The following NOSTRIN variants were observed in gnomAD, a reference collection of about 807,000 sequenced individuals.
NOSTRIN encodes the protein BM247 homolog.
Under a neutral mutation model 59.0 loss-of-function variants are expected in NOSTRIN, and 63 were observed. The observed-to-expected ratio is 1.07, with a 90% CI of 0.87 to 1.32. The LOEUF is 1.32. Ranked by LOEUF, NOSTRIN falls within the 40% of genes most tolerant of loss-of-function variation. NOSTRIN has a pLI of 0.00. For synonymous variants in NOSTRIN, 200 were observed against 165.4 expected (o/e 1.21, Z -1.61); for missense variants, 512 against 473.1 (o/e 1.08, Z -0.76).
chr2:168,829,042 A>G (rs909897364), intron 5 of NOSTRIN, among the ~76,000 whole-genome samples: 8 of 152,126 alleles, frequency 5.3e-5, no homozygotes, highest in Non-Finnish European at 1.0e-4. Flanking sequence ...ATTTTATTCT[A>G]TTTATAAATA....
chr2:168,850,025 GC>G, intron 8 of NOSTRIN, among the ~76,000 whole-genome samples: 1 of 148,546 alleles, frequency 6.7e-6, no homozygotes, highest in African/African-American at 2.5e-5. Context: ...AGGCAATTCT[GC>G]CTCAACCTCC....
At position 168,851,117 on chromosome 2, in the gene NOSTRIN, C is replaced by A. The variant is rs1281300471; in HGVS notation, c.664C>A (p.Leu222Ile). 1 of 1,585,538 alleles carries A rather than the reference C, an allele frequency of 6.3e-7. No individual in the cohort carries two copies. The highest frequency in any genetic ancestry group is 1.3e-5 in the African/African-American group (1 of 74,408). ...ILELEKERIQ[L>I]LCNNLNQYSQ... Reference sequence around the variant, plus strand: ...GGAGCTGGAGAAGGAAAGAATTCAACTTTTATGCAATAACTTAAACCAGTA... The same window carrying A: ...GGAGCTGGAGAAGGAAAGAATTCAAATTTTATGCAATAACTTAAACCAGTA... The change falls in exon 9 of 16, where the codon CTT (leucine) becomes ATT (isoleucine). Residue 222 changes from leucine (L) to isoleucine (I), a missense_variant. By Grantham distance (5) the Leu-to-Ile change is conservative. Coordinates refer to ENST00000317647, the MANE Select transcript of NOSTRIN (RefSeq NM_001039724.4).
upstream of NOSTRIN, among the ~76,000 whole-genome samples, chr2:168,795,071 T>A (rs1297306614): frequency 1.3e-5 from 2 of 152,222 alleles, no homozygotes; most frequent in African/African-American, 4.8e-5. Flanking sequence ...TTGTTTCTTC[T>A]CTAAGACTCC....
chr2:168,863,923 T>G (rs183224483), intron 15 of NOSTRIN, among the ~76,000 whole-genome samples: 1 of 152,102 alleles, frequency 6.6e-6, no homozygotes, highest in East Asian at 1.9e-4. Flanking sequence ...TTTTATTTTT[T>G]TTTTTGAGGC....
intron 8 of NOSTRIN, among the ~76,000 whole-genome samples, chr2:168,847,163 C>T (rs902975980): frequency 4.6e-5 from 7 of 152,082 alleles, no homozygotes; most frequent in African/African-American, 7.2e-5. Flanking sequence ...TTCACATGTA[C>T]GGTTAAGTGG....
Position 168,851,367 on chromosome 2 carries a change from CAGAA to C in NOSTRIN, c.820_823del (p.Glu274ThrfsTer7). Reference sequence around the variant, plus strand: ...ATGGAAGAAACTGCAATTTTATCTACAGAAAACAAATCTGAGTTCCTGTTAACGG... The same window carrying C: ...ATGGAAGAAACTGCAATTTTATCTACAACAAATCTGAGTTCCTGTTAACGG... On this transcript the variant is annotated frameshift_variant, in exon 10 of 16. Transcript: ENST00000317647. LOFTEE classifies it high-confidence loss of function. 14 of 1,612,726 alleles carry C rather than the reference CAGAA, an allele frequency of 8.7e-6. No homozygotes were observed. Among genetic ancestry groups the C allele is most frequent in the Non-Finnish European group, 1.2e-5 (14 of 1,179,788 alleles).
chr2:168,858,229 G>A (rs1689237668), intron 12 of NOSTRIN, among the ~76,000 whole-genome samples: 1 of 152,194 alleles, frequency 6.6e-6, no homozygotes, highest in South Asian at 2.1e-4. Flanking sequence ...ACACAAGGAG[G>A]GAGAGCATCT....
chr2:168,818,616 T>G (rs1686549779), intron 2 of NOSTRIN, among the ~76,000 whole-genome samples: 1 of 152,222 alleles, frequency 6.6e-6, no homozygotes, highest in African/African-American at 2.4e-5. Flanking sequence ...TCTAAAATAT[T>G]GAATCTGAAA....
rs941375171 is a variant in NOSTRIN, at chr2:168,842,358, T to C, written c.505-634T>C. 7.9e-5 allele frequency among the ~76,000 whole-genome samples: 12 copies of C among 152,262 alleles called. No individual in the cohort carries two copies. In the South Asian group the frequency reaches 8.3e-4, roughly 11 times the overall value. On this transcript the variant is annotated intron_variant, in intron 7 of 15. Transcript: ENST00000317647. ...TGCCTGAATTCTCAAAGCAACCCGG[T>C]ATGTATTAATTACCTATCCCCATCA...
intron 15 of NOSTRIN, among the ~76,000 whole-genome samples, chr2:168,862,390 G>C (rs1176995996): frequency 6.6e-6 from 1 of 152,224 alleles, no homozygotes; most frequent in Non-Finnish European, 1.5e-5. Context: ...GGCAACACAA[G>C]ATTTGAACTT....
intron 7 of NOSTRIN, among the ~76,000 whole-genome samples, chr2:168,837,561 G>T (rs1007283782): frequency 6.6e-6 from 1 of 151,652 alleles, no homozygotes; most frequent in Non-Finnish European, 1.5e-5. Context: ...CGCCCGCCTC[G>T]GCCTCCCAAA....
At chr2:168,814,205 C>T (rs1033042381) in intron 2 of NOSTRIN, among the ~76,000 whole-genome samples, 1 of 152,218 alleles carries the variant, frequency 6.6e-6, no homozygotes, top group Non-Finnish European at 1.5e-5. Flanking sequence ...GATCATTTCT[C>T]TCCCACACAG....
intron 2 of NOSTRIN, among the ~76,000 whole-genome samples, chr2:168,813,347 T>C (rs1686245276): frequency 6.6e-6 from 1 of 152,178 alleles, no homozygotes; most frequent in African/African-American, 2.4e-5. Flanking sequence ...GCTGTGAAGA[T>C]AGAAGACAGG....
At chr2:168,864,478 G>A (rs1226701679) in intron 15 of NOSTRIN, among the ~76,000 whole-genome samples, 1 of 134,488 alleles carries the variant, frequency 7.4e-6, no homozygotes, top group African/African-American at 2.8e-5. Flanking sequence ...CAGAGAAGGG[G>A]TTTCACCATG....
chr2:168,803,620 C>G (rs1685704201), intron 1 of NOSTRIN, among the ~76,000 whole-genome samples: 1 of 152,172 alleles, frequency 6.6e-6, no homozygotes, highest in South Asian at 2.1e-4. Flanking sequence ...TGCAGAAAAT[C>G]AGATGAGCTA....
intron 1 of NOSTRIN, among the ~76,000 whole-genome samples, chr2:168,787,521 A>G (rs1685236417): frequency 6.6e-6 from 1 of 152,240 alleles, no homozygotes; most frequent in Admixed American, 6.5e-5. Context: ...AGGTACAACC[A>G]TTTAACTCCA....
At chr2:168,788,259 AT>A (rs1188321766) in intron 2 of NOSTRIN, among the ~76,000 whole-genome samples, 2 of 148,062 alleles carry the variant, frequency 1.4e-5, no homozygotes, top group Admixed American at 6.8e-5. Flanking sequence ...AAAAAAAAAG[AT>A]GATGATATTG....
At chr2:168,823,931 C>T (rs1024735400) in intron 2 of NOSTRIN, among the ~76,000 whole-genome samples, 11 of 152,064 alleles carry the variant, frequency 7.2e-5, no homozygotes, top group African/African-American at 1.4e-4. Flanking sequence ...CAAAATTAGC[C>T]GGGCATTGTG....
At chr2:168,846,640 C>T (rs968267706) in intron 8 of NOSTRIN, among the ~76,000 whole-genome samples, 1 of 152,208 alleles carries the variant, frequency 6.6e-6, no homozygotes. Flanking sequence ...CTATATTTTT[C>T]ACAATAATAA....
Sources: gnomAD v4.1 joint callset for allele counts (sites outside exome capture counted in the v4.1 genomes callset) on GRCh38, gnomAD v4.1.1 for gene constraint, MANE v1.5 for transcripts, NCBI Gene and HGNC (gene_info 2026-07-23, HGNC 2026-07-21) for gene names.